The following PLB1 variants were observed in gnomAD, a reference collection of about 807,000 sequenced individuals.
PLB1 encodes phospholipase B1.
Under a neutral mutation model 227.4 loss-of-function variants are expected in PLB1, and 242 were observed. The ratio of observed to expected loss-of-function variants is 1.06; its 90% CI spans 0.96 to 1.18. The LOEUF is 1.18. Among genes scored for constraint, PLB1 ranks in the 50% most tolerant of loss-of-function variants. The pLI is 0.00. For missense variants in PLB1, 1,858 were observed against 1,816.3 expected, an observed-to-expected ratio of 1.02 and a Z score of -0.42; for synonymous variants, 757 against 682.2, an observed-to-expected ratio of 1.11 and a Z score of -1.71.
chr2:28,582,277 T>A, intron 24 of PLB1, 128 bp from the exon 25 acceptor site: 4 of 1,174,846 alleles, frequency 3.4e-6, no homozygotes, highest in Non-Finnish European at 5.0e-6. Context: ...CAGGGACGGG[T>A]GGAGGAAGTG....
chr2:28,584,726 T>C (rs1055807976), intron 25 of PLB1, among the ~76,000 whole-genome samples: 1 of 152,018 alleles, frequency 6.6e-6, no homozygotes, highest in Admixed American at 6.6e-5. Context: ...TCCTCTGCAG[T>C]GCTGAGTCTA....
At chr2:28,625,134 CT>C in intron 50 of PLB1, 26 bp downstream of exon 50, 1 of 1,603,980 alleles carries the variant, frequency 6.2e-7, no homozygotes, top group Non-Finnish European at 8.5e-7. Context: ...CAGGCCACCC[CT>C]GAAAGGTGCC....
Position 28,634,770 on chromosome 2 carries a change from G to T in PLB1, c.4098+1731G>T, listed in dbSNP as rs190780793. On this transcript the variant is annotated intron_variant, in intron 56 of 57. Coordinates refer to ENST00000327757, the MANE Select transcript of PLB1 (RefSeq NM_153021.5). ...CAAAAATAATCAAAATATTAGCCAGGTGTGGTGGTGCATGCCTGTAGTCCC... is the reference window on the plus strand; with the variant it reads ...CAAAAATAATCAAAATATTAGCCAGTTGTGGTGGTGCATGCCTGTAGTCCC... Among the ~76,000 whole-genome samples the T allele has an allele frequency of 2.4e-4, 36 of 152,224 alleles. No homozygotes were observed. The East Asian group carries it at 6.9e-3, about 29-fold the overall frequency.
At chr2:28,614,210 A>C (rs1050708204) in intron 44 of PLB1, 114 bp downstream of exon 44, 2 of 1,029,806 alleles carry the variant, frequency 1.9e-6, no homozygotes, top group East Asian at 4.8e-5. Flanking sequence ...TACTTCTTAC[A>C]TACTGGGGAT....
chr2:28,643,017 C>T lies in PLB1; in HGVS notation c.4333C>T (p.Arg1445Trp), dbSNP rs139444932. The change falls in exon 58 of 58, where the codon CGG becomes TGG. Residue 1445 changes from arginine to tryptophan, a missense_variant. By Grantham distance (101) the Arg-to-Trp change is moderately radical. Transcript: ENST00000327757. ...GGTCTGGAGGTGCAGGAGAGGTGGCCGGAGGGAAGATCCTCCAATGAGCCT... is the reference window on the plus strand; with the variant it reads ...GGTCTGGAGGTGCAGGAGAGGTGGCTGGAGGGAAGATCCTCCAATGAGCCT... ...TVVWRCRRGGRREDPPMSLRT... is the reference protein window; with the variant it reads ...TVVWRCRRGGWREDPPMSLRT... 586 of 1,610,360 alleles carry T rather than the reference C, an allele frequency of 3.6e-4. 3 individuals are homozygous for T. The highest frequency in any genetic ancestry group is 1.2e-3 in the Middle Eastern group (7 of 5,884).
rs1371043843 is a variant in PLB1 at position 28,601,817 on chromosome 2, G to T, written c.2608-82G>T. The T allele has an allele frequency of 4.9e-6, 6 of 1,218,516 alleles. 1 individual carries two copies. The Admixed American group carries it at 8.7e-5, about 18-fold the overall frequency. The allele number at this position is 1,218,516 out of a possible 1,614,324, so 75.5% of individuals were successfully genotyped here. ...GGGGGAACAAGTCCTCAGGGCTGGA[G>T]CCAGAAGGGAAGTTGAGAACTGCCC... On this transcript the variant is annotated intron_variant, in intron 37 of 57. Coordinates refer to ENST00000327757, the MANE Select transcript of PLB1 (RefSeq NM_153021.5).
At chr2:28,512,696 T>C (rs1411530492) in intron 1 of PLB1, among the ~76,000 whole-genome samples, 3 of 151,960 alleles carry the variant, frequency 2.0e-5, no homozygotes, top group Admixed American at 6.6e-5. Context: ...TTCTTTTTTT[T>C]TTTTTGTTGG....
intron 15 of PLB1, among the ~76,000 whole-genome samples, chr2:28,549,559 G>A (rs544046155): frequency 6.6e-6 from 1 of 151,944 alleles, no homozygotes; most frequent in South Asian, 2.1e-4. Flanking sequence ...GGGACTACAG[G>A]CACGTGCCAC....
At chr2:28,550,579 C>T (rs565513827) in intron 16 of PLB1, among the ~76,000 whole-genome samples, 1 of 143,836 alleles carries the variant, frequency 7.0e-6, no homozygotes, top group East Asian at 2.1e-4. Flanking sequence ...CTCGCTATGT[C>T]ATCCAGGCTG....
At chr2:28,617,224 G>A (rs1686318334) in intron 44 of PLB1, among the ~76,000 whole-genome samples, 1 of 152,160 alleles carries the variant, frequency 6.6e-6, no homozygotes, top group Non-Finnish European at 1.5e-5. Context: ...GCAGAAACCA[G>A]GAGCTTTACA....
intron 38 of PLB1, among the ~76,000 whole-genome samples, 184 bp downstream of exon 38, chr2:28,602,148 A>G (rs956094273): frequency 3.3e-5 from 5 of 152,244 alleles, no homozygotes; most frequent in African/African-American, 9.6e-5. Context: ...GAATCAGCCC[A>G]GAAGGGCCTC....
chr2:28,504,794 A>G (rs1477120065), intron 1 of PLB1, among the ~76,000 whole-genome samples: 9 of 152,178 alleles, frequency 5.9e-5, no homozygotes, highest in East Asian at 5.8e-4. Flanking sequence ...AAATTTTACA[A>G]TTTTGATGAT....
chr2:28,501,591 G>A (rs1667109014), intron 1 of PLB1, among the ~76,000 whole-genome samples: 2 of 152,032 alleles, frequency 1.3e-5, no homozygotes, highest in Non-Finnish European at 2.9e-5. Flanking sequence ...TACTCAGAGA[G>A]GTCCCATCCC....
chr2:28,535,979 C>T (rs971628755), intron 9 of PLB1, among the ~76,000 whole-genome samples: 1 of 152,160 alleles, frequency 6.6e-6, no homozygotes, highest in Non-Finnish European at 1.5e-5. Flanking sequence ...CTGGAGATCC[C>T]TCTGTGGGCA....
chr2:28,633,162 C>T lies in PLB1; in HGVS notation c.4098+123C>T, dbSNP rs571172446. Reference sequence around the variant, plus strand: ...TTCTCCCCAAAGCCCAAAGTGGCAGCACACCTTATTGGTCCTGATAGATTA... The same window carrying T: ...TTCTCCCCAAAGCCCAAAGTGGCAGTACACCTTATTGGTCCTGATAGATTA... On this transcript the variant is annotated intron_variant, in intron 56 of 57. Transcript: ENST00000327757. 1.3e-5 allele frequency: 10 copies of T among 758,068 alleles called. No individual in the cohort carries two copies. In the African/African-American group the frequency reaches 1.7e-4, roughly 13 times the overall value. 47.0% of individuals were successfully genotyped at this position (758,068 alleles called of 1,614,324 possible).
chr2:28,593,534 GACTT>G (rs1682358388), intron 32 of PLB1, 143 bp from the exon 33 acceptor site: 1 of 671,804 alleles, frequency 1.5e-6, no homozygotes, highest in African/African-American at 1.8e-5. Flanking sequence ...GAGGATGGCA[GACTT>G]AGAGCCAGGG....
intron 40 of PLB1, 70 bp downstream of exon 40, chr2:28,604,117 C>T (rs1280667422): frequency 6.4e-6 from 9 of 1,414,088 alleles, no homozygotes; most frequent in Non-Finnish European, 9.0e-6. Context: ...CCCAGAGCCC[C>T]TAGAGGAGGC....
chr2:28,641,635 G>A (rs747672040), intron 57 of PLB1, among the ~76,000 whole-genome samples: 48 of 152,202 alleles, frequency 3.2e-4, no homozygotes, highest in Non-Finnish European at 5.1e-4. Context: ...CAGCTGTCCC[G>A]TGCCAGGCAG....
intron 52 of PLB1, 103 bp from the exon 53 acceptor site, chr2:28,628,991 C>T (rs1688213176): frequency 2.1e-6 from 2 of 957,450 alleles, no homozygotes; most frequent in East Asian, 2.5e-5. Flanking sequence ...TCAGTTTCTT[C>T]ATTGGTAAAA....
Sources: gnomAD v4.1 joint callset for allele counts (sites outside exome capture counted in the v4.1 genomes callset) on GRCh38, gnomAD v4.1.1 for gene constraint, MANE v1.5 for transcripts, NCBI Gene and HGNC (gene_info 2026-07-23, HGNC 2026-07-21) for gene names.